The following GTPBP3 variants were observed in gnomAD, a reference collection of about 807,000 sequenced individuals.
The protein encoded by GTPBP3 is GTP binding protein 3, mitochondrial, also known as 5-taurinomethyluridine-[tRNA] synthase subunit GTPB3, mitochondrial.
A neutral mutation model predicts 42.0 loss-of-function variants in GTPBP3; 35 were observed. The observed-to-expected ratio is 0.83, with a 90% CI of 0.64 to 1.10. The LOEUF (loss-of-function observed/expected upper bound fraction) is 1.10, where lower values mean the gene tolerates loss of function less well. Among genes scored for constraint, GTPBP3 ranks in the 50% least tolerant of loss-of-function variants. The pLI, the probability that GTPBP3 is intolerant of heterozygous loss-of-function variation, is 0.00. For missense variants in GTPBP3, 691 were observed against 685.2 expected, an observed-to-expected ratio of 1.01 and a Z score of -0.09; for synonymous variants, 332 against 314.9, an observed-to-expected ratio of 1.05 and a Z score of -0.58.
rs893333623 is a variant in GTPBP3 at position 17,341,597 on chromosome 19, C to T, written c.1373C>T (p.Ala458Val). The T allele has an allele frequency of 6.2e-7, 1 of 1,613,774 alleles. No individual in the cohort carries two copies. Among genetic ancestry groups the T allele is most frequent in the African/African-American group, 1.3e-5 (1 of 74,926 alleles). Residue 458 changes from alanine (A) to valine (V), a missense_variant, in exon 9 of 9, where the codon GCA becomes GTA. Physicochemically the swap from Ala to Val is moderately conservative, Grantham distance 64. Coordinates refer to ENST00000324894, the MANE Select transcript of GTPBP3 (RefSeq NM_032620.4). The part of the protein sequence containing the change: ...YKQSKDLALA[A>V]EALRVARGHL... ...CAGTCAAAAGACCTGGCCCTGGCGG[C>T]AGAGGCGCTGCGGGTGGCCCGGGGT...
rs375894290 is a variant in GTPBP3, at chr19:17,338,358, A to C, written c.302-7A>C. 30 of 1,613,940 alleles carry C rather than the reference A, an allele frequency of 1.9e-5. No homozygotes were observed. The highest frequency in any genetic ancestry group is 2.5e-5 in the Non-Finnish European group (29 of 1,179,922). ...GCTGTCCTCCTGTCACCTGTCTGTC[A>C]CATTAGGTCCCCAGAGTTTCACCGG... On this transcript the variant is annotated splice_region_variant and splice_polypyrimidine_tract_variant and intron_variant, in intron 2 of 8. Transcript: ENST00000324894.
Position 17,338,609 on chromosome 19 carries a change from G to A in GTPBP3, c.459G>A (p.Leu153=), listed in dbSNP as rs1350898326. 2.5e-6 allele frequency: 4 copies of A among 1,614,106 alleles called. No individual in the cohort carries two copies. In the South Asian group the frequency reaches 4.4e-5, roughly 18 times the overall value. ...GACGGGCGTTCGCCAATGGGAAGCT[G>A]AACCTGACCGAAGTGGAGGGGCTGG... ...FTRRAFANGK[L]NLTEVEGLAD... is the part of the protein sequence containing the mutation. Residue 153 remains leucine, a synonymous_variant, in exon 4 of 9, where the codon CTG becomes CTA. Coordinates refer to ENST00000324894, the MANE Select transcript of GTPBP3 (RefSeq NM_032620.4).
Position 17,339,112 on chromosome 19 carries a change from C to G in GTPBP3, c.665-11C>G, listed in dbSNP as rs1471907769. 1 of 1,613,978 alleles carries G rather than the reference C, an allele frequency of 6.2e-7. No individual in the cohort carries two copies. The highest frequency in any genetic ancestry group is 1.7e-5 in the Admixed American group (1 of 60,006). The stretch of plus-strand genomic sequence containing the variant: ...CACTGTCTCTCTCTGCCTGCCTTCT[C>G]TCACCCACAGCCGACATCGAAGTAC... On this transcript the variant is annotated splice_polypyrimidine_tract_variant and intron_variant, in intron 5 of 8. Transcript: ENST00000324894.
intron 4 of GTPBP3, 98 bp downstream of exon 4, chr19:17,338,839 A>G: frequency 6.5e-7 from 1 of 1,533,180 alleles, no homozygotes; most frequent in Non-Finnish European, 8.8e-7. Context: ...CCCTGCGTGA[A>G]AGCTTCCGGC....
Position 17,341,311 on chromosome 19 carries a change from G to A in GTPBP3, c.1242G>A (p.Glu414=), listed in dbSNP as rs879527410. ...LDGLLEALRK[E]LAAVCGDPST... ...GCCTCCTGGAGGCGCTGAGGAAGGA[G>A]CTAGCTGCAGTGTGAGCCCCCTCCC... The change falls in exon 8 of 9, where the codon GAG becomes GAA. Residue 414 remains glutamate (E), a synonymous_variant. Transcript: ENST00000324894. 2.5e-6 allele frequency: 4 copies of A among 1,599,782 alleles called. No homozygotes were observed. The African/African-American group carries it at 5.3e-5, about 21-fold the overall frequency.
chr19:17,339,601 T>C lies in GTPBP3; in HGVS notation c.974+2T>C. On this transcript the variant is annotated splice_donor_variant, in intron 7 of 8. Coordinates refer to ENST00000324894, the MANE Select transcript of GTPBP3 (RefSeq NM_032620.4). LOFTEE classifies it high-confidence loss of function. ...GGGCGTGCGGCGCGCCCGGGAGAGG[T>C]GGGCGGACAGGGTGGTGATGGGAGG... The C allele has an allele frequency of 2.5e-6, 4 of 1,599,218 alleles. No homozygotes were observed. The highest frequency in any genetic ancestry group is 3.4e-6 in the Non-Finnish European group (4 of 1,176,374).
Position 17,337,584 on chromosome 19 carries a change from G to T in GTPBP3, c.-28G>T, listed in dbSNP as rs757157672. The T allele has an allele frequency of 3.4e-5, 45 of 1,310,608 alleles. No individual in the cohort carries two copies. Among genetic ancestry groups the T allele is most frequent in the Non-Finnish European group, 2.7e-5 (28 of 1,023,752 alleles). The allele number at this position is 1,310,608 out of a possible 1,614,324, so 81.2% of individuals were successfully genotyped here. On this transcript the variant is annotated 5_prime_UTR_variant, in exon 1 of 9. Coordinates refer to ENST00000324894, the MANE Select transcript of GTPBP3 (RefSeq NM_032620.4). ...AGACTTGAAGCCACACAGGCAGGTC[G>T]GGCAGGCGGGTCGCAGGTTGTAAAT... is the stretch of plus-strand genomic sequence containing the variant.
intron 7 of GTPBP3, 80 bp from the exon 8 acceptor site, chr19:17,340,963 TG>T: frequency 1.3e-6 from 2 of 1,500,196 alleles, no homozygotes; most frequent in Non-Finnish European, 9.1e-7. Flanking sequence ...GTGCTCTGCC[TG>T]GCCCCTCTAA....
chr19:17,338,308 C>T, intron 2 of GTPBP3, 53 bp downstream of exon 2: 1 of 1,606,756 alleles, frequency 6.2e-7, no homozygotes, highest in African/African-American at 1.3e-5. Flanking sequence ...TCAGTTTCCC[C>T]CTTCCAAGGG....
At chr19:17,335,882 A>G (rs2074363110), upstream of GTPBP3, among the ~76,000 whole-genome samples, 2 of 148,956 alleles carry the variant, frequency 1.3e-5, no homozygotes, top group Non-Finnish European at 3.0e-5. Context: ...TGTAACAACT[A>G]GAGAATGGCA....
At position 17,341,211 on chromosome 19, in the gene GTPBP3, C is replaced by G. The variant is rs1370272842; in HGVS notation, c.1142C>G (p.Pro381Arg). 1 of 1,609,654 alleles carries G rather than the reference C, an allele frequency of 6.2e-7. No homozygotes were observed. Among genetic ancestry groups the G allele is most frequent in the African/African-American group, 1.3e-5 (1 of 74,910 alleles). Residue 381 changes from proline (P) to arginine (R), a missense_variant, in exon 8 of 9, where the codon CCG becomes CGG. Coordinates refer to ENST00000324894, the MANE Select transcript of GTPBP3 (RefSeq NM_032620.4). Reference protein sequence around the residue: ...LVLNKSDLLSPEGPGPGPDLP... With the variant: ...LVLNKSDLLSREGPGPGPDLP... ...CTGAACAAGTCGGACCTGCTGTCCC[C>G]GGAGGGCCCAGGTCCCGGTCCTGAC...
intron 5 of GTPBP3, 34 bp from the exon 6 acceptor site, chr19:17,339,089 C>A: frequency 6.2e-7 from 1 of 1,614,170 alleles, no homozygotes; most frequent in Non-Finnish European, 8.5e-7. Flanking sequence ...GCTCCCCTCA[C>A]TGTCTCTCTC....
Position 17,341,212 on chromosome 19 carries a change from G to A in GTPBP3, c.1143G>A (p.Pro381=), listed in dbSNP as rs764584318. The change falls in exon 8 of 9, where the codon CCG becomes CCA. Residue 381 remains proline, a synonymous_variant. Transcript: ENST00000324894. ...LVLNKSDLLS[P]EGPGPGPDLP... ...TGAACAAGTCGGACCTGCTGTCCCC[G>A]GAGGGCCCAGGTCCCGGTCCTGACC... 1.6e-5 allele frequency: 26 copies of A among 1,609,188 alleles called. No individual in the cohort carries two copies. Among genetic ancestry groups the A allele is most frequent in the Admixed American group, 3.3e-5 (2 of 59,946 alleles).
At chr19:17,338,917 G>A in intron 4 of GTPBP3, 37 bp from the exon 5 acceptor site, 1 of 1,561,024 alleles carries the variant, frequency 6.4e-7, no homozygotes. Context: ...TGGGTTTCTG[G>A]GTGCACACAC....
intron 7 of GTPBP3, among the ~76,000 whole-genome samples, chr19:17,339,894 G>C (rs556523364): frequency 6.8e-6 from 1 of 147,800 alleles, no homozygotes; most frequent in South Asian, 2.2e-4. Flanking sequence ...TTACAGGCGG[G>C]AGCGACCACG....
rs1057518138 is a variant in GTPBP3, at chr19:17,337,619, G to A, written c.8G>A (p.Arg3Gln). ...GTCGCAGGTTGTAAATCCATGTGGC[G>A]GGGGCTTTGGACCCTGGCGGCCCAA... MW[R>Q]GLWTLAAQAA... is the part of the protein sequence containing the mutation. Residue 3 changes from arginine to glutamine, a missense_variant, in exon 1 of 9, where the codon CGG (arginine) becomes CAG (glutamine). By Grantham distance (43) the Arg-to-Gln change is conservative. Coordinates refer to ENST00000324894, the MANE Select transcript of GTPBP3 (RefSeq NM_032620.4). 2 of 1,324,954 alleles carry A rather than the reference G, an allele frequency of 1.5e-6. No individual in the cohort carries two copies. The highest frequency in any genetic ancestry group is 2.4e-5 in the South Asian group (1 of 41,348). 82.1% of individuals were successfully genotyped at this position (1,324,954 alleles called of 1,614,324 possible).
chr19:17,338,517 T>A (rs781353045), intron 3 of GTPBP3, 22 bp from the exon 4 acceptor site: 3 of 1,612,706 alleles, frequency 1.9e-6, no homozygotes, highest in Non-Finnish European at 2.5e-6. Context: ...CCAGGGGGTG[T>A]CAGACTGGGA....
upstream of GTPBP3, among the ~76,000 whole-genome samples, chr19:17,335,698 G>A (rs905800319): frequency 1.4e-4 from 21 of 152,106 alleles, no homozygotes; most frequent in Admixed American, 4.6e-4. Flanking sequence ...CTGGCATTTG[G>A]CCAACCCCTG....
chr19:17,337,896 CA>C, intron 1 of GTPBP3, 111 bp from the exon 2 acceptor site: 1 of 1,413,852 alleles, frequency 7.1e-7, no homozygotes, highest in Non-Finnish European at 9.5e-7. Context: ...GTGCATCCCC[CA>C]GCCGCAGAAC....
Sources: gnomAD v4.1 joint callset for allele counts (sites outside exome capture counted in the v4.1 genomes callset) on GRCh38, gnomAD v4.1.1 for gene constraint, MANE v1.5 for transcripts, NCBI Gene and HGNC (gene_info 2026-07-23, HGNC 2026-07-21) for gene names.